Variants in TRAP1 observed in about 807,000 individuals in gnomAD.
The protein encoded by TRAP1 is heat shock protein 75 kDa, mitochondrial.
TRAP1 carries 102 observed loss-of-function variants against 89.1 expected under a neutral mutation model. The observed-to-expected ratio is 1.15, with a 90% CI of 0.98 to 1.35. The LOEUF (loss-of-function observed/expected upper bound fraction) is 1.35, where lower values mean the gene tolerates loss of function less well. TRAP1 is among the 40% of genes most tolerant of loss of function. TRAP1 has a pLI of 0.00. For synonymous variants in TRAP1, 508 were observed against 388.0 expected, an observed-to-expected ratio of 1.31 and a Z score of -3.64; for missense variants, 1,256 against 945.3, an observed-to-expected ratio of 1.33 and a Z score of -4.31.
chr16:3,709,178 G>C (rs1172271988), intron 1 of TRAP1, among the ~76,000 whole-genome samples: 1 of 132,214 alleles, frequency 7.6e-6, no homozygotes, highest in Non-Finnish European at 1.5e-5. Context: ...GGTGAGCCAA[G>C]ATCACGCCAC....
At chr16:3,691,140 G>A in intron 1 of TRAP1, 155 bp from the exon 2 acceptor site, 1 of 606,990 alleles carries the variant, frequency 1.6e-6, no homozygotes, top group Non-Finnish European at 2.5e-6. Flanking sequence ...AAATGCCACA[G>A]TGTCAGGGTG....
intron 3 of TRAP1, 29 bp downstream of exon 3, chr16:3,689,026 G>A: frequency 6.4e-7 from 1 of 1,571,492 alleles, no homozygotes; most frequent in Non-Finnish European, 8.7e-7. Context: ...AACTTTGCTA[G>A]CATCGGGCAT....
At chr16:3,713,310 G>C (rs1236811382) in intron 1 of TRAP1, among the ~76,000 whole-genome samples, 2 of 152,212 alleles carry the variant, frequency 1.3e-5, no homozygotes, top group Non-Finnish European at 2.9e-5. Context: ...AAGTACTGAA[G>C]GGGAGGGCGC....
chr16:3,712,549 G>A (rs1024287194), intron 1 of TRAP1, among the ~76,000 whole-genome samples: 1 of 152,028 alleles, frequency 6.6e-6, no homozygotes, highest in East Asian at 1.9e-4. Context: ...TTTTGTCTTA[G>A]CTTAGGCCAA....
chr16:3,705,972 C>T (rs974044952), intron 1 of TRAP1, among the ~76,000 whole-genome samples: 9 of 150,994 alleles, frequency 6.0e-5, no homozygotes, highest in Admixed American at 1.3e-4. Context: ...GGATTACAGG[C>T]GTGAGCCACC....
intron 1 of TRAP1, among the ~76,000 whole-genome samples, chr16:3,703,840 C>T (rs2051402235): frequency 6.6e-6 from 1 of 151,000 alleles, no homozygotes; most frequent in East Asian, 2.0e-4. Context: ...ACGGTGAAAG[C>T]CAGTCTCTAT....
At chr16:3,714,968 T>C (rs111935529) in intron 1 of TRAP1, among the ~76,000 whole-genome samples, 1 of 152,194 alleles carries the variant, frequency 6.6e-6, no homozygotes, top group Non-Finnish European at 1.5e-5. Context: ...TCTCTCATCG[T>C]TCAATCAATC....
intron 1 of TRAP1, among the ~76,000 whole-genome samples, chr16:3,716,799 A>G (rs777203699): frequency 6.6e-6 from 1 of 152,158 alleles, no homozygotes; most frequent in African/African-American, 2.4e-5. Flanking sequence ...GCATCCATCA[A>G]TTCCAGGCCC....
chr16:3,664,339 C>A lies in TRAP1; in HGVS notation c.1504G>T (p.Ala502Ser). The A allele has an allele frequency of 6.2e-7, 1 of 1,612,796 alleles. No individual in the cohort carries two copies. Among genetic ancestry groups the A allele is most frequent in the Non-Finnish European group, 8.5e-7 (1 of 1,179,580 alleles). ...TGCTCTGCCAGGTGACGGTTGGGGG[C>A]GCACAGGTAGTAGATGTTGCGGGTG... ...AGTRNIYYLC[A>S]PNRHLAEHSP... Residue 502 changes from alanine to serine, a missense_variant, in exon 13 of 18, where the codon GCC becomes TCC. Ala to Ser is a moderately conservative substitution (Grantham distance 99, BLOSUM62 1). Transcript: ENST00000246957.
chr16:3,689,195 T>C (rs1437690802), intron 2 of TRAP1, 58 bp from the exon 3 acceptor site: 2 of 1,407,842 alleles, frequency 1.4e-6, no homozygotes, highest in Non-Finnish European at 2.0e-6. Flanking sequence ...TGTGCAAGAA[T>C]ACGCTACGTC....
At chr16:3,702,508 T>G (rs1427594109) in intron 1 of TRAP1, among the ~76,000 whole-genome samples, 2 of 151,726 alleles carry the variant, frequency 1.3e-5, no homozygotes, top group Admixed American at 1.3e-4. Context: ...TCTAGGAGGC[T>G]GAGGCAGGCA....
At chr16:3,672,167 C>G (rs2050922869) in intron 10 of TRAP1, among the ~76,000 whole-genome samples, 1 of 152,090 alleles carries the variant, frequency 6.6e-6, no homozygotes, top group South Asian at 2.1e-4. Flanking sequence ...GAAACCCCAT[C>G]TCTACTAAAA....
Position 3,658,939 on chromosome 16 carries a change from A to G in TRAP1, c.1941-74T>C, listed in dbSNP as rs1026334720. 1.2e-5 allele frequency: 18 copies of G among 1,495,634 alleles called. No individual in the cohort carries two copies. The African/African-American group carries it at 2.5e-4, about 21-fold the overall frequency. 92.6% of individuals were successfully genotyped at this position (1,495,634 alleles called of 1,614,324 possible). ...GACCCTCCCTTCATGTTTTGGGATT[A>G]TCAGGATATTTAAAGAAGCACAGTA... On this transcript the variant is annotated intron_variant, in intron 16 of 17. Coordinates refer to ENST00000246957, the MANE Select transcript of TRAP1 (RefSeq NM_016292.3).
chr16:3,715,322 C>T (rs867471330), intron 1 of TRAP1, among the ~76,000 whole-genome samples: 1 of 152,018 alleles, frequency 6.6e-6, no homozygotes, highest in Non-Finnish European at 1.5e-5. Flanking sequence ...CCTAAAGTCC[C>T]AGCTACTCGG....
Position 3,674,410 on chromosome 16 carries a change from G to A in TRAP1, c.973C>T (p.Pro325Ser), listed in dbSNP as rs1567230235. Reference protein sequence around the residue: ...YRYVAQAHDKPRYTLHYKTDA... With the variant: ...YRYVAQAHDKSRYTLHYKTDA... ...GTCTTATAGTGCAGGGTGTAGCGGG[G>A]CTTGTCGTGAGCCTGCGCGACGTAG... Residue 325 changes from proline to serine, a missense_variant, in exon 9 of 18, where the codon CCC (proline) becomes TCC (serine). Physicochemically the swap from Pro to Ser is moderately conservative, Grantham distance 74 (BLOSUM62 -1). Coordinates refer to ENST00000246957, the MANE Select transcript of TRAP1 (RefSeq NM_016292.3). 1 of 1,614,130 alleles carries A rather than the reference G, an allele frequency of 6.2e-7. No homozygotes were observed. Among genetic ancestry groups the A allele is most frequent in the East Asian group, 2.2e-5 (1 of 44,880 alleles).
intron 3 of TRAP1, 68 bp downstream of exon 3, chr16:3,688,987 A>T: frequency 7.0e-7 from 1 of 1,424,232 alleles, no homozygotes; most frequent in African/African-American, 1.4e-5. Flanking sequence ...ATTCTCCAGA[A>T]TGGCATAAAA....
At chr16:3,675,265 C>T (rs1567230745) in intron 8 of TRAP1, 59 bp downstream of exon 8, 22 of 1,565,272 alleles carry the variant, frequency 1.4e-5, no homozygotes, top group Non-Finnish European at 5.3e-6. Context: ...CTCCGCTGCC[C>T]TGAAACGTAC....
intron 5 of TRAP1, among the ~76,000 whole-genome samples, chr16:3,678,944 G>C (rs980424988): frequency 1.3e-5 from 2 of 152,186 alleles, no homozygotes; most frequent in Non-Finnish European, 2.9e-5. Flanking sequence ...GGGTCAGAGG[G>C]ATCAGTCCCC....
At position 3,662,653 on chromosome 16, in the gene TRAP1, T is replaced by A. The variant is rs894537174; in HGVS notation, c.1794+229A>T. ...AGGATGCTGGTTTTTCAGTTCTCAG[T>A]TCACACCTGCTCTGGAGCAGGGCTG... On this transcript the variant is annotated intron_variant, in intron 15 of 17. Transcript: ENST00000246957. The A allele has an allele frequency of 7.3e-6, 5 of 682,460 alleles. No individual in the cohort carries two copies. In the African/African-American group the frequency reaches 8.8e-5, roughly 12 times the overall value. The allele number at this position is 682,460 out of a possible 1,614,324, so 42.3% of individuals were successfully genotyped here. A position where few individuals can be genotyped will look rare whatever the true frequency, so the allele number is the denominator to read the frequency against.
Sources: gnomAD v4.1 joint callset for allele counts (sites outside exome capture counted in the v4.1 genomes callset) on GRCh38, gnomAD v4.1.1 for gene constraint, MANE v1.5 for transcripts, NCBI Gene and HGNC (gene_info 2026-07-23, HGNC 2026-07-21) for gene names.